The following PDZD2 variants were observed in gnomAD, a reference collection of about 807,000 sequenced individuals.
PDZD2 encodes PDZ domain-containing protein 2.
In PDZD2, 90 loss-of-function variants were observed where a neutral mutation model predicts 220.7. The ratio of observed to expected loss-of-function variants is 0.41; its 90% CI spans 0.34 to 0.49. PDZD2 has a LOEUF of 0.49. PDZD2 is among the 20% of genes least tolerant of loss of function. The pLI is 0.28. For synonymous variants in PDZD2, 1,375 were observed against 1,450.5 expected (o/e 0.95, Z 1.18); for missense variants, 3,174 against 3,608.5 (o/e 0.88, Z 3.08).
intron 2 of PDZD2, among the ~76,000 whole-genome samples, chr5:31,903,265 G>T (rs965245669): frequency 2.0e-5 from 3 of 151,864 alleles, no homozygotes; most frequent in African/African-American, 7.3e-5. Flanking sequence ...CTGCACTCCA[G>T]CCTGGGCAAC....
chr5:31,698,089 A>T (rs1402658579), intron 1 of PDZD2, among the ~76,000 whole-genome samples: 1 of 147,162 alleles, frequency 6.8e-6, no homozygotes, highest in Non-Finnish European at 1.5e-5. Flanking sequence ...TGTATTTTTT[A>T]GTAGAGACGG....
At chr5:31,911,695 G>A (rs1053334291) in intron 2 of PDZD2, among the ~76,000 whole-genome samples, 41 of 152,332 alleles carry the variant, frequency 2.7e-4, no homozygotes, top group African/African-American at 9.4e-4. Flanking sequence ...AGGCTTGGAT[G>A]TGATGGAGCC....
intron 2 of PDZD2, among the ~76,000 whole-genome samples, chr5:31,937,886 G>A (rs1368282414): frequency 1.3e-5 from 2 of 152,338 alleles, no homozygotes; most frequent in Non-Finnish European, 1.5e-5. Flanking sequence ...TGGAAGCGGT[G>A]TTCAGCAAGC....
intron 8 of PDZD2, 108 bp from the exon 9 acceptor site, chr5:32,052,503 A>G (rs1403140665): frequency 1.6e-5 from 16 of 983,428 alleles, no homozygotes; most frequent in Non-Finnish European, 2.6e-5. Flanking sequence ...AGAAATGTCT[A>G]GTACTGAAGA....
rs186141352 is a variant in PDZD2 at position 32,000,018 on chromosome 5, T to C, written c.1122-121T>C. ...CCCCAACTGCCTCTGGCCATCACAG[T>C]ATCCTCTTTAGCCCAATCTTAACCG... On this transcript the variant is annotated intron_variant, in intron 4 of 24. Coordinates refer to ENST00000438447, the MANE Select transcript of PDZD2 (RefSeq NM_178140.4). The surrounding 1 kb of genome is among the most constrained non-coding windows in gnomAD (Gnocchi z 4.5). 77 of 761,008 alleles carry C rather than the reference T, an allele frequency of 1.0e-4. No individual in the cohort carries two copies. Among genetic ancestry groups the C allele is most frequent in the Admixed American group, 3.4e-4 (14 of 41,046 alleles). 47.1% of individuals were successfully genotyped at this position (761,008 alleles called of 1,614,324 possible).
At chr5:31,685,516 C>T (rs62349126) in intron 1 of PDZD2, among the ~76,000 whole-genome samples, 39,826 of 151,984 alleles carry the variant, frequency 0.26, 5,495 homozygotes, top group Middle Eastern at 0.31. Flanking sequence ...CTACCCTTCG[C>T]ATTTATTTTA....
chr5:31,907,639 G>A (rs1742775322), intron 2 of PDZD2, among the ~76,000 whole-genome samples: 1 of 152,198 alleles, frequency 6.6e-6, no homozygotes, highest in Non-Finnish European at 1.5e-5. Flanking sequence ...AGAGGACACT[G>A]TGAAATACAA....
intron 7 of PDZD2, among the ~76,000 whole-genome samples, chr5:32,040,529 TGAG>T (rs1215680407): frequency 7.2e-6 from 1 of 139,210 alleles, no homozygotes; most frequent in African/African-American, 2.8e-5. Flanking sequence ...GTCTGGGAGA[TGAG>T]GAGCGCCTCT....
intron 1 of PDZD2, among the ~76,000 whole-genome samples, chr5:31,647,505 C>A (rs1745178963): frequency 6.6e-6 from 1 of 152,176 alleles, no homozygotes. Context: ...TCCTTCCCTG[C>A]CTCTTGCAGC....
At chr5:31,802,223 G>A (rs1341045473) in intron 2 of PDZD2, among the ~76,000 whole-genome samples, 2 of 152,132 alleles carry the variant, frequency 1.3e-5, no homozygotes, top group Admixed American at 6.5e-5. Context: ...GTATTGGGGT[G>A]GGAGGGAGGT....
chr5:31,782,707 A>AT (rs34166035), intron 1 of PDZD2, among the ~76,000 whole-genome samples: 50,422 of 96,556 alleles, frequency 0.52, 12,926 homozygotes, highest in Non-Finnish European at 0.59. Context: ...ACCACTTTAG[A>AT]TTTTTTTTTT....
chr5:31,674,481 C>A (rs1401994801), intron 1 of PDZD2, among the ~76,000 whole-genome samples: 1 of 152,092 alleles, frequency 6.6e-6, no homozygotes, highest in African/African-American at 2.4e-5. Context: ...AGTTTGGTTC[C>A]AAAAATAATT....
At chr5:31,727,714 AAAAG>A (rs1474097373) in intron 1 of PDZD2, among the ~76,000 whole-genome samples, 2 of 88,998 alleles carry the variant, frequency 2.2e-5, no homozygotes, top group East Asian at 4.4e-4. Context: ...AAAAAAAAAA[AAAAG>A]AAAGGCCGGG....
intron 2 of PDZD2, among the ~76,000 whole-genome samples, chr5:31,959,357 T>G (rs1748011562): frequency 6.6e-6 from 1 of 150,964 alleles, no homozygotes; most frequent in African/African-American, 2.5e-5. Context: ...CCACTTATTG[T>G]GAAAAGTTTG....
At chr5:31,799,968 G>A (rs916139872) in intron 2 of PDZD2, among the ~76,000 whole-genome samples, 2 of 152,054 alleles carry the variant, frequency 1.3e-5, no homozygotes, top group African/African-American at 4.8e-5. Flanking sequence ...CAACCGTGAG[G>A]CTCCCAGACT....
Position 32,098,466 on chromosome 5 carries a change from C to A in PDZD2, c.8050C>A (p.His2684Asn). The change falls in exon 23 of 25, where the codon CAC (histidine) becomes AAC (asparagine). Residue 2684 changes from histidine to asparagine, a missense_variant. By Grantham distance (68) the His-to-Asn change is moderately conservative. This residue lies in a region of PDZD2 where 631 missense variants were observed against 789.9 expected (regional missense o/e 0.80). Coordinates refer to ENST00000438447, the MANE Select transcript of PDZD2 (RefSeq NM_178140.4). This position sits in a 1 kb window ranked among gnomAD's most constrained non-coding sequence, Gnocchi z 4.1. ...VNGASLAGLA[H>N]GNVLKVLHQA... ...CGGCGCCTCACTGGCTGGCTTAGCCCACGGGAATGTCCTGAAGGTTCTGCA... is the reference window on the plus strand; with the variant it reads ...CGGCGCCTCACTGGCTGGCTTAGCCAACGGGAATGTCCTGAAGGTTCTGCA... The A allele has an allele frequency of 6.2e-7, 1 of 1,614,090 alleles. No homozygotes were observed. Among genetic ancestry groups the A allele is most frequent in the Non-Finnish European group, 8.5e-7 (1 of 1,180,006 alleles).
rs145688991 is a variant in PDZD2 at position 31,779,356 on chromosome 5, A to G, written c.-360-19533A>G. Among the ~76,000 whole-genome samples, 1,359 of 148,492 alleles carry G rather than the reference A, an allele frequency of 9.2e-3. 28 individuals carry two copies. Among genetic ancestry groups the G allele is most frequent in the African/African-American group, 0.03 (1,225 of 40,486 alleles). ...TAACGTTATTTATGTAGCTGTCCCTAGGAAAATTGTGAATCTCTTTTTTTT... is the reference window on the plus strand; with the variant it reads ...TAACGTTATTTATGTAGCTGTCCCTGGGAAAATTGTGAATCTCTTTTTTTT... On this transcript the variant is annotated intron_variant, in intron 1 of 24. Transcript: ENST00000438447.
chr5:32,003,585 C>T (rs1752566373), intron 5 of PDZD2, among the ~76,000 whole-genome samples: 1 of 152,176 alleles, frequency 6.6e-6, no homozygotes, highest in Admixed American at 6.5e-5. Flanking sequence ...TTTGCACAGC[C>T]CACCTCCTCA....
At chr5:31,851,722 A>T (rs914578170) in intron 2 of PDZD2, among the ~76,000 whole-genome samples, 1 of 152,158 alleles carries the variant, frequency 6.6e-6, no homozygotes, top group Admixed American at 6.5e-5. Context: ...TGGGCCATTG[A>T]TCTCTTTTCC....
Sources: gnomAD v4.1 joint callset for allele counts (sites outside exome capture counted in the v4.1 genomes callset) on GRCh38, gnomAD v4.1.1 for gene constraint, gnomAD v4.1.1 regional missense constraint, Gnocchi (gnomAD v3.1) non-coding constraint, MANE v1.5 for transcripts, NCBI Gene and HGNC (gene_info 2026-07-23, HGNC 2026-07-21) for gene names.